The following KLHL13 variants were observed in gnomAD, a reference collection of about 807,000 sequenced individuals.
KLHL13 encodes the protein kelch-like protein 13.
Under a neutral mutation model 37.1 loss-of-function variants are expected in KLHL13, and 10 were observed. That is an observed-to-expected ratio of 0.27 (90% CI 0.17 to 0.46). The LOEUF is 0.46. KLHL13 is among the 20% of genes least tolerant of loss of function. The pLI is 1.00. For synonymous variants in KLHL13, 163 were observed against 181.2 expected, an observed-to-expected ratio of 0.90 and a Z score of 0.81; for missense variants, 360 against 509.3, an observed-to-expected ratio of 0.71 and a Z score of 2.82.
intron 2 of KLHL13, among the ~76,000 whole-genome samples, chrX:117,925,434 A>C (rs1421617058): frequency 8.9e-6 from 1 of 111,838 alleles, no homozygotes; most frequent in Non-Finnish European, 1.9e-5. Flanking sequence ...AAAGTTAAGA[A>C]ATGGCCTTAC....
chrX:118,094,220 G>A (rs1486608925), intron 1 of KLHL13, among the ~76,000 whole-genome samples: 5 of 111,045 alleles, frequency 4.5e-5, no homozygotes, highest in South Asian at 3.9e-4. Context: ...TGAAAACCAC[G>A]GCATGAGAAA....
intron 2 of KLHL13, among the ~76,000 whole-genome samples, chrX:117,930,216 AGAAGGAAGGAAGGAAG>A: frequency 1.1e-5 from 1 of 89,722 alleles, no homozygotes; most frequent in African/African-American, 4.5e-5. Flanking sequence ...ATGAAAAGGA[AGAAGGAAGGAAGGAAG>A]GAAGGAAGGG....
At chrX:117,931,598 C>T (rs1174641986) in intron 2 of KLHL13, among the ~76,000 whole-genome samples, 4 of 112,213 alleles carry the variant, frequency 3.6e-5, no homozygotes, top group Non-Finnish European at 3.8e-5. Context: ...TCATTCATTC[C>T]AAACTATCTT....
chrX:117,974,467 T>C (rs748771687), upstream of KLHL13, among the ~76,000 whole-genome samples: 2 of 112,410 alleles, frequency 1.8e-5, no homozygotes, highest in African/African-American at 3.2e-5. Context: ...AAATTATTCC[T>C]AGTTTTTAAA....
intron 1 of KLHL13, among the ~76,000 whole-genome samples, chrX:118,110,371 C>CTTTTTTTTT (rs1479012364): frequency 1.0e-5 from 1 of 98,314 alleles, no homozygotes; most frequent in Non-Finnish European, 2.0e-5. Flanking sequence ...TTTTCTATTT[C>CTTTTTTTTT]TTTTTCTTTT....
chrX:118,005,827 T>C (rs1294507985), intron 1 of KLHL13, among the ~76,000 whole-genome samples: 1 of 111,988 alleles, frequency 8.9e-6, no homozygotes, highest in Non-Finnish European at 1.9e-5. Context: ...TTATGGTAAT[T>C]TGTTACAGCA....
At chrX:117,908,552 T>C (rs1930738318) in intron 5 of KLHL13, among the ~76,000 whole-genome samples, 2 of 111,528 alleles carry the variant, frequency 1.8e-5, no homozygotes, top group South Asian at 7.4e-4. Context: ...GCCTTTATTT[T>C]TGGAAAAATT....
intron 1 of KLHL13, among the ~76,000 whole-genome samples, chrX:117,952,173 T>C (rs996548490): frequency 6.3e-5 from 7 of 111,627 alleles, no homozygotes; most frequent in African/African-American, 2.3e-4. Flanking sequence ...ACTACAGTAA[T>C]CAAAACAGCA....
At chrX:117,935,183 C>T (rs909764590) in intron 2 of KLHL13, among the ~76,000 whole-genome samples, 4 of 111,940 alleles carry the variant, frequency 3.6e-5, no homozygotes, top group African/African-American at 1.3e-4. Flanking sequence ...ATATTCATAG[C>T]TTTTATTCAT....
At chrX:118,031,456 G>T (rs768983305) in intron 1 of KLHL13, among the ~76,000 whole-genome samples, 1 of 86,530 alleles carries the variant, frequency 1.2e-5, no homozygotes, top group African/African-American at 5.4e-5. Context: ...TATATATATA[G>T]ATATATATAT....
At chrX:118,001,607 T>C (rs1602638970) in intron 1 of KLHL13, among the ~76,000 whole-genome samples, 2 of 111,690 alleles carry the variant, frequency 1.8e-5, no homozygotes, top group Admixed American at 1.9e-4. Context: ...CTCACACCTG[T>C]AATCCCAGCA....
upstream of KLHL13, among the ~76,000 whole-genome samples, chrX:117,973,961 G>A (rs1004585786): frequency 1.0e-4 from 11 of 109,630 alleles, no homozygotes; most frequent in African/African-American, 3.7e-4. Context: ...AGGGATTAGC[G>A]ATTGTCAAGG....
chrX:118,036,944 G>C (rs1280510882), intron 1 of KLHL13, among the ~76,000 whole-genome samples: 1 of 93,734 alleles, frequency 1.1e-5, no homozygotes, highest in Admixed American at 1.2e-4. Context: ...GACATGAACA[G>C]ACACTTCTCA....
intron 1 of KLHL13, among the ~76,000 whole-genome samples, chrX:117,992,266 T>C (rs1429436361): frequency 2.9e-5 from 3 of 104,951 alleles, no homozygotes; most frequent in Non-Finnish European, 3.9e-5. Context: ...GAAAGGGTCA[T>C]AGGAGAACAA....
At chrX:117,940,554 A>G (rs113923584) in intron 2 of KLHL13, among the ~76,000 whole-genome samples, 1,800 of 111,808 alleles carry the variant, frequency 0.016, 15 homozygotes, top group Non-Finnish European at 0.025. Context: ...TTTTCACGAT[A>G]CTGATTCTTC....
At chrX:118,102,194 G>C (rs191303729) in intron 1 of KLHL13, among the ~76,000 whole-genome samples, 10 of 111,958 alleles carry the variant, frequency 8.9e-5, no homozygotes, top group Admixed American at 8.6e-4. Flanking sequence ...TGATGTCATA[G>C]AGATAATATC....
intron 1 of KLHL13, among the ~76,000 whole-genome samples, chrX:118,102,318 T>C (rs1482309236): frequency 8.9e-6 from 1 of 112,056 alleles, no homozygotes; most frequent in Non-Finnish European, 1.9e-5. Flanking sequence ...ATAGTAATAA[T>C]TATTTTTGCT....
chrX:118,032,479 AGC>A (rs2054367795), intron 1 of KLHL13, among the ~76,000 whole-genome samples: 1 of 111,984 alleles, frequency 8.9e-6, no homozygotes, highest in Non-Finnish European at 1.9e-5. Context: ...CAGCAGGGGC[AGC>A]CTGACACCTC....
intron 1 of KLHL13, among the ~76,000 whole-genome samples, chrX:118,090,377 T>G (rs1241087751): frequency 9.0e-6 from 1 of 111,386 alleles, no homozygotes; most frequent in Non-Finnish European, 1.9e-5. Flanking sequence ...TCTACTTATC[T>G]AACAAAGGGC....
Sources: gnomAD v4.1 joint callset for allele counts (sites outside exome capture counted in the v4.1 genomes callset) on GRCh38, gnomAD v4.1.1 for gene constraint, MANE v1.5 for transcripts, NCBI Gene and HGNC (gene_info 2026-07-23, HGNC 2026-07-21) for gene names.